PCDHGA8: variants seen among roughly 807,000 people sequenced by gnomAD.
PCDHGA8 encodes the protein protocadherin gamma-A8.
A neutral mutation model predicts 59.2 loss-of-function variants in PCDHGA8; 45 were observed. The ratio of observed to expected loss-of-function variants is 0.76; its 90% CI spans 0.60 to 0.98. PCDHGA8 has a LOEUF of 0.98. PCDHGA8 is among the 50% of genes least tolerant of loss of function. The pLI, the probability that PCDHGA8 is intolerant of heterozygous loss-of-function variation, is 0.00. For missense variants in PCDHGA8, 1,257 were observed against 1,196.2 expected, an observed-to-expected ratio of 1.05 and a Z score of -0.75; for synonymous variants, 531 against 519.0, an observed-to-expected ratio of 1.02 and a Z score of -0.32.
At chr5:141,408,401 C>T in intron 1 of PCDHGA8, 2 of 1,614,010 alleles carry the variant, frequency 1.2e-6, no homozygotes, top group Non-Finnish European at 8.5e-7. Context: ...TCGCAAGCTG[C>T]GAGTGAGCGC....
In PCDHGA8 at chr5:141,485,423, C is replaced by A; in HGVS notation, c.2425-9384C>A. On this transcript the variant is annotated intron_variant, in intron 1 of 3. Transcript: ENST00000398604. This position sits in a 1 kb window ranked among gnomAD's most constrained non-coding sequence, Gnocchi z 5.7. Reference sequence around the variant, plus strand: ...CCGTGTGGATTTGGACAGCGGAGCCCTGCTCATCAAGAACCCAATCGACCG... The same window carrying A: ...CCGTGTGGATTTGGACAGCGGAGCCATGCTCATCAAGAACCCAATCGACCG... 1 of 1,614,204 alleles carries A rather than the reference C, an allele frequency of 6.2e-7. No homozygotes were observed. The highest frequency in any genetic ancestry group is 8.5e-7 in the Non-Finnish European group (1 of 1,180,036).
At chr5:141,482,862 A>G (rs1169526338) in intron 1 of PCDHGA8, among the ~76,000 whole-genome samples, 1 of 152,180 alleles carries the variant, frequency 6.6e-6, no homozygotes, top group Non-Finnish European at 1.5e-5. Context: ...ACTTGAGGTC[A>G]GGAGTTTGAA....
Position 141,393,526 on chromosome 5 carries a change from A to G in PCDHGA8, c.713A>G (p.Asn238Ser). The G allele has an allele frequency of 1.9e-6, 3 of 1,613,974 alleles. No homozygotes were observed. The highest frequency in any genetic ancestry group is 2.2e-5 in the East Asian group (1 of 44,878). Residue 238 changes from asparagine to serine, a missense_variant, in exon 1 of 4, where the codon AAT becomes AGT. Transcript: ENST00000398604. ...GTGACAGTGTTGGATACAAATGACAATGCCCCGGTTTTTCCTCACCCGATT... is the reference window on the plus strand; with the variant it reads ...GTGACAGTGTTGGATACAAATGACAGTGCCCCGGTTTTTCCTCACCCGATT... ...IHVTVLDTND[N>S]APVFPHPIYR...
intron 1 of PCDHGA8, chr5:141,410,288 T>G: frequency 6.2e-7 from 1 of 1,614,044 alleles, no homozygotes; most frequent in Non-Finnish European, 8.5e-7. Context: ...GGTGGTGGCC[T>G]TGGCCTTAAT....
intron 1 of PCDHGA8, chr5:141,398,637 T>G: frequency 6.2e-7 from 1 of 1,614,026 alleles, no homozygotes; most frequent in Non-Finnish European, 8.5e-7. Context: ...TGCAGAAGTA[T>G]AAACTCTCTC....
At position 141,491,065 on chromosome 5, in the gene PCDHGA8, C is replaced by T; in HGVS notation, c.2425-3742C>T. On this transcript the variant is annotated intron_variant, in intron 1 of 3. Transcript: ENST00000398604. This position sits in a 1 kb window ranked among gnomAD's most constrained non-coding sequence, Gnocchi z 6.9. ...CCACAATGCGTGGCTCTCCTACTCA[C>T]TGTTGCCACAGTCCACAGCCCCAGG... 4 of 1,614,210 alleles carry T rather than the reference C, an allele frequency of 2.5e-6. No individual in the cohort carries two copies. Among genetic ancestry groups the T allele is most frequent in the Admixed American group, 1.7e-5 (1 of 60,030 alleles).
chr5:141,402,996 T>G, intron 1 of PCDHGA8: 3 of 1,613,890 alleles, frequency 1.9e-6, no homozygotes, highest in Non-Finnish European at 1.7e-6. Context: ...AGATTAGTCC[T>G]GCTATGCTCG....
intron 3 of PCDHGA8, among the ~76,000 whole-genome samples, chr5:141,509,056 G>A (rs1303823294): frequency 1.3e-5 from 2 of 152,178 alleles, no homozygotes; most frequent in Admixed American, 6.5e-5. Context: ...CCCCCAGAAA[G>A]CTCTCAGCTC....
chr5:141,394,624 T>A lies in PCDHGA8; in HGVS notation c.1811T>A (p.Leu604Gln), dbSNP rs542816387. The A allele has an allele frequency of 3.7e-6, 6 of 1,612,992 alleles. No individual in the cohort carries two copies. The highest frequency in any genetic ancestry group is 5.1e-6 in the Non-Finnish European group (6 of 1,179,972). Residue 604 changes from leucine (L) to glutamine (Q), a missense_variant, in exon 1 of 4, where the codon CTG becomes CAG. By Grantham distance (113) the Leu-to-Gln change is moderately radical (BLOSUM62 -2). Coordinates refer to ENST00000398604, the MANE Select transcript of PCDHGA8 (RefSeq NM_032088.2). The part of the protein sequence containing the change: ...VDRDSGQNAW[L>Q]SYRLLKASEP... ...AGAGACTCGGGCCAGAACGCCTGGCTGTCCTACCGCCTGCTCAAGGCCAGC... is the reference window on the plus strand; with the variant it reads ...AGAGACTCGGGCCAGAACGCCTGGCAGTCCTACCGCCTGCTCAAGGCCAGC...
At chr5:141,400,547 C>A (rs534226736) in intron 1 of PCDHGA8, 12 of 1,613,676 alleles carry the variant, frequency 7.4e-6, no homozygotes, top group African/African-American at 2.7e-5. Flanking sequence ...TATGTCTATT[C>A]TTTTTCATTA....
intron 1 of PCDHGA8, chr5:141,417,591 C>T (rs1287721863): frequency 2.1e-6 from 1 of 484,478 alleles, no homozygotes; most frequent in East Asian, 3.4e-5. Context: ...CACAGAGCCT[C>T]TGGGCGCCGC....
chr5:141,423,405 G>T (rs1444037259), intron 1 of PCDHGA8: 1 of 1,614,154 alleles, frequency 6.2e-7, no homozygotes, highest in African/African-American at 1.3e-5. Context: ...CACGCCTGCT[G>T]CAGGCTTCTG....
intron 1 of PCDHGA8, among the ~76,000 whole-genome samples, chr5:141,446,315 G>A (rs556077331): frequency 6.6e-6 from 1 of 152,188 alleles, no homozygotes; most frequent in East Asian, 1.9e-4. Context: ...TGATTCCTGG[G>A]TTTCCACATT....
chr5:141,403,592 G>A (rs779516418), intron 1 of PCDHGA8: 1 of 1,613,850 alleles, frequency 6.2e-7, no homozygotes, highest in Non-Finnish European at 8.5e-7. Flanking sequence ...GGTCCTCACG[G>A]CCTCGGATGG....
intron 1 of PCDHGA8, chr5:141,403,027 G>C: frequency 1.2e-6 from 2 of 1,614,070 alleles, no homozygotes; most frequent in Non-Finnish European, 1.7e-6. Flanking sequence ...TGCTATGGGA[G>C]GCCAGGGCCA....
chr5:141,475,980 C>G (rs758066578), intron 1 of PCDHGA8: 3 of 1,028,500 alleles, frequency 2.9e-6, no homozygotes, highest in Admixed American at 2.4e-5. Context: ...ACTGAACAGC[C>G]GGCGAGCAAA....
chr5:141,403,242 C>A, intron 1 of PCDHGA8: 1 of 1,613,932 alleles, frequency 6.2e-7, no homozygotes, highest in Non-Finnish European at 8.5e-7. Flanking sequence ...GAGCTCTGTG[C>A]TCAGAGCCCG....
chr5:141,409,942 C>G, intron 1 of PCDHGA8: 2 of 1,613,284 alleles, frequency 1.2e-6, no homozygotes, highest in Non-Finnish European at 1.7e-6. Context: ...TGGTACCTCG[C>G]TCTGCAGAGC....
intron 1 of PCDHGA8, among the ~76,000 whole-genome samples, chr5:141,482,530 C>CAAAAAAAAAA (rs3074545): frequency 1.2e-3 from 90 of 76,428 alleles, no homozygotes; most frequent in African/African-American, 1.7e-3. Context: ...GACAGACATG[C>CAAAAAAAAAA]AAAAAAAAAA....
Sources: gnomAD v4.1 joint callset for allele counts (sites outside exome capture counted in the v4.1 genomes callset) on GRCh38, gnomAD v4.1.1 for gene constraint, Gnocchi (gnomAD v3.1) non-coding constraint, MANE v1.5 for transcripts, NCBI Gene and HGNC (gene_info 2026-07-23, HGNC 2026-07-21) for gene names.